Variants in DLC1 observed in about 807,000 individuals in gnomAD.
DLC1 encodes rho GTPase-activating protein 7.
DLC1 carries 54 observed loss-of-function variants against 140.3 expected under a neutral mutation model. The ratio of observed to expected loss-of-function variants is 0.38; its 90% CI spans 0.31 to 0.48. DLC1 has a LOEUF of 0.48. Ranked by LOEUF, DLC1 falls within the 20% of genes least tolerant of loss-of-function variation. DLC1 has a pLI of 0.96. For synonymous variants in DLC1, 986 were observed against 728.1 expected (o/e 1.35, Z -5.70); for missense variants, 2,536 against 1,907.0 (o/e 1.33, Z -6.14).
At chr8:13,202,509 C>T (rs1468269032) in intron 5 of DLC1, among the ~76,000 whole-genome samples, 3 of 152,126 alleles carry the variant, frequency 2.0e-5, no homozygotes, top group African/African-American at 7.2e-5. Flanking sequence ...TGCCGTCTTT[C>T]TACCATCTCT....
At chr8:13,533,583 G>A (rs1359358485) in intron 1 of DLC1, among the ~76,000 whole-genome samples, 2 of 152,184 alleles carry the variant, frequency 1.3e-5, no homozygotes, top group Non-Finnish European at 2.9e-5. Context: ...AGGAAGTTGA[G>A]TTTCTGAGTC....
intron 5 of DLC1, among the ~76,000 whole-genome samples, chr8:13,282,499 T>C (rs1160559256): frequency 6.6e-6 from 1 of 152,168 alleles, no homozygotes; most frequent in Non-Finnish European, 1.5e-5. Context: ...AAAAATAATG[T>C]AAAAAATCTA....
rs144418777 is a variant in DLC1 at position 13,589,077 on chromosome 8, C to G, written c.-126+15460G>C. On this transcript the variant is annotated intron_variant, in intron 1 of 1. Coordinates refer to the DLC1 transcript ENST00000631382. ...GGGTTGCTAGTGCACAGTGAGAAGTCAAATACCAAAGCCAGTTCTTGCCAA... is the reference window on the plus strand; with the variant it reads ...GGGTTGCTAGTGCACAGTGAGAAGTGAAATACCAAAGCCAGTTCTTGCCAA... Among the ~76,000 whole-genome samples, 309 of 152,130 alleles carry G rather than the reference C, an allele frequency of 2.0e-3. 2 individuals are homozygous for G. Among genetic ancestry groups the G allele is most frequent in the African/African-American group, 7.2e-3 (297 of 41,526 alleles).
chr8:13,356,678 C>T (rs1438822174), intron 4 of DLC1, among the ~76,000 whole-genome samples: 1 of 152,100 alleles, frequency 6.6e-6, no homozygotes, highest in African/African-American at 2.4e-5. Context: ...AATTGGCCTC[C>T]ACTGTTGCTA....
At position 13,216,959 on chromosome 8, in the gene DLC1, G is replaced by A. The variant is rs117161353; in HGVS notation, c.1348+88310C>T. The stretch of plus-strand genomic sequence containing the variant: ...CCTCCCCTGAAACTTGAGGCTGTGG[G>A]CAGCATGTTTGTCTTTTGCTTGTGT... On this transcript the variant is annotated intron_variant, in intron 5 of 17. Coordinates refer to ENST00000276297, the MANE Select transcript of DLC1 (RefSeq NM_182643.3). Among the ~76,000 whole-genome samples, 1,082 of 152,232 alleles carry A rather than the reference G, an allele frequency of 7.1e-3. 6 individuals carry two copies. The highest frequency in any genetic ancestry group is 0.014 in the South Asian group (68 of 4,824).
At chr8:13,551,852 C>G (rs1257610126) in intron 1 of DLC1, among the ~76,000 whole-genome samples, 1 of 136,874 alleles carries the variant, frequency 7.3e-6, no homozygotes, top group Non-Finnish European at 1.6e-5. Context: ...ATATGCACCT[C>G]TAGACAAGTG....
intron 5 of DLC1, among the ~76,000 whole-genome samples, chr8:13,263,697 A>G (rs1429794942): frequency 6.6e-6 from 1 of 151,440 alleles, no homozygotes; most frequent in Non-Finnish European, 1.5e-5. Flanking sequence ...TATTCATACC[A>G]TTTTTATTTT....
intron 5 of DLC1, among the ~76,000 whole-genome samples, chr8:13,275,192 G>T (rs1282058878): frequency 6.6e-6 from 1 of 152,200 alleles, no homozygotes; most frequent in Non-Finnish European, 1.5e-5. Context: ...ACAAATTAGA[G>T]TTTATGAGGG....
intron 3 of DLC1, among the ~76,000 whole-genome samples, chr8:13,400,803 G>T (rs573087669): frequency 3.0e-4 from 45 of 151,958 alleles, no homozygotes; most frequent in Non-Finnish European, 5.3e-4. Context: ...CACAAACTAA[G>T]GCCTTTAATA....
intron 17 of DLC1, 106 bp from the exon 18 acceptor site, chr8:13,086,037 T>C: frequency 6.7e-7 from 1 of 1,492,362 alleles, no homozygotes; most frequent in Non-Finnish European, 8.9e-7. Flanking sequence ...AATCTATCAT[T>C]TCCCATGCCT....
At chr8:13,192,865 ACACTGCTGGCG>A in intron 5 of DLC1, among the ~76,000 whole-genome samples, 1 of 152,342 alleles carries the variant, frequency 6.6e-6, no homozygotes, top group South Asian at 2.1e-4. Context: ...GAGGAATCCG[ACACTGCTGGCG>A]CCTTGATCTT....
intron 5 of DLC1, chr8:13,214,462 T>C: frequency 1.6e-6 from 1 of 633,710 alleles, no homozygotes; most frequent in South Asian, 1.9e-5. Context: ...CTGTGGTCTG[T>C]GCTGACTGTT....
chr8:13,479,858 A>AGAAGAAGAG (rs1563383602), intron 2 of DLC1, among the ~76,000 whole-genome samples: 1 of 47,302 alleles, frequency 2.1e-5, no homozygotes, highest in East Asian at 3.0e-4. Flanking sequence ...AAGAAGAAGA[A>AGAAGAAGAG]GAGAAAAAGA....
intron 5 of DLC1, among the ~76,000 whole-genome samples, chr8:13,268,458 G>A (rs1485595209): frequency 2.6e-5 from 4 of 152,106 alleles, no homozygotes; most frequent in Non-Finnish European, 5.9e-5. Flanking sequence ...GGGACTACAG[G>A]CGCGCAGCCT....
At chr8:13,107,046 G>A (rs1819624244) in intron 7 of DLC1, among the ~76,000 whole-genome samples, 1 of 152,160 alleles carries the variant, frequency 6.6e-6, no homozygotes, top group East Asian at 1.9e-4. Flanking sequence ...CATTGGAATT[G>A]CATTATATAG....
chr8:13,087,141 C>G (rs2128925926), intron 16 of DLC1, among the ~76,000 whole-genome samples: 1 of 152,334 alleles, frequency 6.6e-6, no homozygotes, highest in East Asian at 1.9e-4. Flanking sequence ...TGGCCCATGC[C>G]TGTAATCCCG....
intron 5 of DLC1, among the ~76,000 whole-genome samples, chr8:13,219,894 T>C (rs1371539592): frequency 1.3e-5 from 2 of 152,108 alleles, no homozygotes; most frequent in African/African-American, 4.8e-5. Flanking sequence ...ATTGAGACCA[T>C]TATAGCAAGT....
chr8:13,511,700 G>GGT (rs1802374626), intron 1 of DLC1, among the ~76,000 whole-genome samples: 5 of 151,962 alleles, frequency 3.3e-5, no homozygotes, highest in Non-Finnish European at 5.9e-5. Context: ...GTGTTCCCTT[G>GGT]TCCTCTTCCA....
chr8:13,585,675 C>A (rs573521976), intron 1 of DLC1, among the ~76,000 whole-genome samples: 1 of 152,272 alleles, frequency 6.6e-6, no homozygotes, highest in South Asian at 2.1e-4. Flanking sequence ...TTCCATGCCT[C>A]TCTTCTAGTT....
Sources: gnomAD v4.1 joint callset for allele counts (sites outside exome capture counted in the v4.1 genomes callset) on GRCh38, gnomAD v4.1.1 for gene constraint, MANE v1.5 for transcripts, NCBI Gene and HGNC (gene_info 2026-07-23, HGNC 2026-07-21) for gene names.